The following ADGRB3 variants were observed in gnomAD, a reference collection of about 807,000 sequenced individuals.
The protein encoded by ADGRB3 is brain-specific angiogenesis inhibitor 3.
In ADGRB3, 37 loss-of-function variants were observed where a neutral mutation model predicts 193.4. That is an observed-to-expected ratio of 0.19 (90% CI 0.15 to 0.25). The LOEUF is 0.25. Ranked by LOEUF, ADGRB3 falls within the 10% of genes least tolerant of loss-of-function variation. The pLI is 1.00. For synonymous variants in ADGRB3, 690 were observed against 644.2 expected, an observed-to-expected ratio of 1.07 and a Z score of -1.08; for missense variants, 1,637 against 1,852.9, an observed-to-expected ratio of 0.88 and a Z score of 2.14.
At chr6:69,234,315 T>C (rs139060138) in intron 18 of ADGRB3, among the ~76,000 whole-genome samples, 70 of 152,308 alleles carry the variant, frequency 4.6e-4, no homozygotes, top group African/African-American at 1.5e-3. Flanking sequence ...TGAATGCATG[T>C]AATCTTTACA....
chr6:69,079,726 G>T (rs879935111), intron 17 of ADGRB3, among the ~76,000 whole-genome samples: 4 of 152,008 alleles, frequency 2.6e-5, no homozygotes, highest in Non-Finnish European at 4.4e-5. Flanking sequence ...TTGAGTATTA[G>T]ATCATGCGTG....
intron 3 of ADGRB3, among the ~76,000 whole-genome samples, chr6:68,913,867 AGCCAAG>A (rs1766795916): frequency 6.6e-6 from 1 of 152,158 alleles, no homozygotes; most frequent in African/African-American, 2.4e-5. Context: ...TGGAGCTGAA[AGCCAAG>A]GCTCAAGAAC....
At chr6:69,028,607 TC>T (rs1770511027) in intron 13 of ADGRB3, among the ~76,000 whole-genome samples, 1 of 152,138 alleles carries the variant, frequency 6.6e-6, no homozygotes, top group South Asian at 2.1e-4. Context: ...TCTAAATTTA[TC>T]TTATCTGTTT....
chr6:68,702,220 G>C (rs565537993), intron 3 of ADGRB3, among the ~76,000 whole-genome samples: 45 of 151,940 alleles, frequency 3.0e-4, no homozygotes, highest in African/African-American at 1.1e-3. Context: ...GAGAGAGAGA[G>C]AGAGAGAGAG....
At chr6:69,112,761 T>C (rs1773403360) in intron 17 of ADGRB3, among the ~76,000 whole-genome samples, 1 of 141,206 alleles carries the variant, frequency 7.1e-6, no homozygotes, top group Admixed American at 7.3e-5. Flanking sequence ...AATCCAGAGA[T>C]AATTTTTTTT....
intron 20 of ADGRB3, among the ~76,000 whole-genome samples, chr6:69,292,868 C>T (rs1183263040): frequency 1.3e-5 from 2 of 151,668 alleles, no homozygotes; most frequent in South Asian, 2.1e-4. Flanking sequence ...ATCCCTCCCC[C>T]GTCCCCCCAC....
chr6:68,937,971 G>C (rs1431769197), intron 5 of ADGRB3, among the ~76,000 whole-genome samples: 3 of 152,128 alleles, frequency 2.0e-5, no homozygotes, highest in Non-Finnish European at 2.9e-5. Context: ...AAAAAGTAAA[G>C]AGAGTGGTGG....
intron 6 of ADGRB3, 62 bp downstream of exon 6, chr6:68,944,056 A>G: frequency 3.4e-6 from 5 of 1,490,916 alleles, no homozygotes; most frequent in African/African-American, 1.4e-5. Context: ...TTCCTAGTGT[A>G]CACAAGAAAT....
chr6:69,089,863 A>G (rs573726345), intron 17 of ADGRB3, among the ~76,000 whole-genome samples: 3 of 152,254 alleles, frequency 2.0e-5, no homozygotes, highest in Middle Eastern at 3.4e-3. Flanking sequence ...ATGGCCAAAC[A>G]TGTCTCCAGA....
chr6:68,681,028 T>G (rs1764885082), intron 3 of ADGRB3, among the ~76,000 whole-genome samples: 1 of 152,134 alleles, frequency 6.6e-6, no homozygotes, highest in Admixed American at 6.5e-5. Context: ...GTATCTCTTT[T>G]TGGTAAGGGC....
At chr6:68,683,362 G>A (rs1764929109) in intron 3 of ADGRB3, among the ~76,000 whole-genome samples, 1 of 152,002 alleles carries the variant, frequency 6.6e-6, no homozygotes, top group Non-Finnish European at 1.5e-5. Flanking sequence ...GATATCATAA[G>A]ATAAGATGAT....
At chr6:68,673,993 A>T (rs932135705) in intron 3 of ADGRB3, among the ~76,000 whole-genome samples, 2 of 152,126 alleles carry the variant, frequency 1.3e-5, no homozygotes, top group Admixed American at 1.3e-4. Context: ...TAGATTTCTT[A>T]TACTATAAAA....
chr6:68,729,030 G>T (rs1159588214), intron 3 of ADGRB3, among the ~76,000 whole-genome samples: 1 of 151,572 alleles, frequency 6.6e-6, no homozygotes, highest in African/African-American at 2.4e-5. Context: ...CATAGGCAAA[G>T]AAATTAGAGG....
At chr6:68,817,438 G>A (rs373919542) in intron 3 of ADGRB3, among the ~76,000 whole-genome samples, 1 of 141,068 alleles carries the variant, frequency 7.1e-6, no homozygotes, top group South Asian at 2.3e-4. Flanking sequence ...TAGATATCTA[G>A]TTTTTTTTCA....
At chr6:68,835,022 T>C (rs1310765169) in intron 3 of ADGRB3, among the ~76,000 whole-genome samples, 1 of 152,118 alleles carries the variant, frequency 6.6e-6, no homozygotes, top group South Asian at 2.1e-4. Context: ...TTATATAATA[T>C]CAATTCATAA....
intron 16 of ADGRB3, among the ~76,000 whole-genome samples, chr6:69,069,745 A>AG (rs1256112750): frequency 8.1e-5 from 11 of 135,338 alleles, no homozygotes; most frequent in East Asian, 2.9e-4. Context: ...AAAAAAAAAA[A>AG]AAAAAGAAAG....
intron 26 of ADGRB3, among the ~76,000 whole-genome samples, chr6:69,344,693 G>T (rs1769047353): frequency 1.3e-5 from 2 of 152,198 alleles, no homozygotes; most frequent in Non-Finnish European, 2.9e-5. Flanking sequence ...TGACTCATTA[G>T]CATGGAAGGG....
intron 26 of ADGRB3, among the ~76,000 whole-genome samples, chr6:69,349,376 G>A (rs1769175037): frequency 6.6e-6 from 1 of 152,186 alleles, no homozygotes; most frequent in Non-Finnish European, 1.5e-5. Context: ...GATATTAAGG[G>A]ATTCTAATAG....
intron 17 of ADGRB3, among the ~76,000 whole-genome samples, chr6:69,219,339 G>A (rs1278716106): frequency 1.3e-5 from 2 of 151,000 alleles, no homozygotes; most frequent in Admixed American, 6.6e-5. Context: ...AGAACTTGGC[G>A]TCCTCTTCTC....
Sources: allele counts gnomAD v4.1 joint callset (sites outside exome capture counted in the v4.1 genomes callset), GRCh38; gene constraint gnomAD v4.1.1; transcripts MANE v1.5; gene names NCBI Gene and HGNC (gene_info 2026-07-23, HGNC 2026-07-21).